Variants in ABHD17C observed in about 807,000 individuals in gnomAD.
ABHD17C encodes abhydrolase domain containing 17C, depalmitoylase.
Under a neutral mutation model 27.9 loss-of-function variants are expected in ABHD17C, and 11 were observed. The ratio of observed to expected loss-of-function variants is 0.39; its 90% CI spans 0.25 to 0.65. The LOEUF (loss-of-function observed/expected upper bound fraction) is 0.65, where lower values mean the gene tolerates loss of function less well. Among genes scored for constraint, ABHD17C ranks in the 30% least tolerant of loss-of-function variants. The pLI is 0.45. For missense variants in ABHD17C, 280 were observed against 470.2 expected (o/e 0.60, Z 3.74); for synonymous variants, 233 against 209.1 (o/e 1.11, Z -0.98).
At chr15:80,723,286 A>G (rs1419680576) in intron 1 of ABHD17C, among the ~76,000 whole-genome samples, 2 of 152,194 alleles carry the variant, frequency 1.3e-5, no homozygotes, top group African/African-American at 4.8e-5. Context: ...ACCCCCTCCC[A>G]TGACCCAGGG....
At chr15:80,726,232 C>G (rs576510149) in intron 1 of ABHD17C, among the ~76,000 whole-genome samples, 2 of 152,294 alleles carry the variant, frequency 1.3e-5, no homozygotes, top group South Asian at 4.1e-4. Context: ...GCCAGGTGTT[C>G]CTTTCCTTGC....
intron 1 of ABHD17C, among the ~76,000 whole-genome samples, chr15:80,716,404 A>G (rs1390732068): frequency 6.6e-6 from 1 of 152,168 alleles, no homozygotes; most frequent in Non-Finnish European, 1.5e-5. Flanking sequence ...CCTTGTTGGA[A>G]ACGTCTCTGC....
At position 80,754,293 on chromosome 15, in the gene ABHD17C, C is replaced by T. The variant is rs2141527197; in HGVS notation, c.913C>T (p.His305Tyr). ...VEPLWVEGAG[H>Y]NDIELYAQYL... is the part of the protein sequence containing the mutation. Reference sequence around the variant, plus strand: ...GCCCCTTTGGGTTGAAGGGGCTGGGCATAATGACATAGAGCTTTATGCACA... The same window carrying T: ...GCCCCTTTGGGTTGAAGGGGCTGGGTATAATGACATAGAGCTTTATGCACA... Residue 305 changes from histidine (H) to tyrosine (Y), a missense_variant, in exon 3 of 3, where the codon CAT (histidine) becomes TAT (tyrosine). His to Tyr is a moderately conservative substitution (Grantham distance 83, BLOSUM62 2). Coordinates refer to ENST00000258884, the MANE Select transcript of ABHD17C (RefSeq NM_021214.2). The T allele has an allele frequency of 1.2e-6, 2 of 1,613,932 alleles. No homozygotes were observed. The highest frequency in any genetic ancestry group is 1.1e-5 in the South Asian group (1 of 91,076).
chr15:80,711,825 A>G (rs1449718832), intron 1 of ABHD17C, among the ~76,000 whole-genome samples: 4 of 152,112 alleles, frequency 2.6e-5, no homozygotes, highest in Admixed American at 1.3e-4. Flanking sequence ...CTGCAAAGCT[A>G]ACTAACTAAC....
chr15:80,722,158 C>T (rs910109843), intron 1 of ABHD17C, among the ~76,000 whole-genome samples: 3 of 151,862 alleles, frequency 2.0e-5, no homozygotes, highest in Admixed American at 1.3e-4. Context: ...TACCGAGAAG[C>T]GCACTGGAAT....
intron 1 of ABHD17C, among the ~76,000 whole-genome samples, chr15:80,715,554 A>T (rs1330419858): frequency 1.3e-5 from 2 of 152,232 alleles, no homozygotes; most frequent in African/African-American, 2.4e-5. Flanking sequence ...ATACATTTTT[A>T]AAAAACTGAA....
chr15:80,734,133 C>A (rs988014208), intron 1 of ABHD17C, among the ~76,000 whole-genome samples: 1 of 152,086 alleles, frequency 6.6e-6, no homozygotes, highest in Non-Finnish European at 1.5e-5. Context: ...TACAGATGTG[C>A]ACCACCATGC....
At chr15:80,749,483 C>A in intron 1 of ABHD17C, 30 bp from the exon 2 acceptor site, 1 of 1,605,882 alleles carries the variant, frequency 6.2e-7, no homozygotes. Flanking sequence ...CATACCTTAG[C>A]TAATGGCATA....
intron 1 of ABHD17C, among the ~76,000 whole-genome samples, chr15:80,709,607 C>T (rs765721058): frequency 1.3e-5 from 2 of 152,064 alleles, no homozygotes; most frequent in Non-Finnish European, 2.9e-5. Context: ...ATTTTCTTTA[C>T]CCCTGGATCT....
At chr15:80,721,336 C>T (rs1894895104) in intron 1 of ABHD17C, among the ~76,000 whole-genome samples, 1 of 151,794 alleles carries the variant, frequency 6.6e-6, no homozygotes, top group African/African-American at 2.4e-5. Flanking sequence ...GGTCCCATAC[C>T]TGTCTGAGTC....
chr15:80,726,714 G>A (rs28666570), intron 1 of ABHD17C, among the ~76,000 whole-genome samples: 44,589 of 151,420 alleles, frequency 0.29, 8,243 homozygotes, highest in East Asian at 0.59. Flanking sequence ...GGGTTTCACC[G>A]TGTTAGTCAG....
chr15:80,744,251 C>A (rs545746605), intron 1 of ABHD17C, among the ~76,000 whole-genome samples: 110 of 151,350 alleles, frequency 7.3e-4, no homozygotes, highest in African/African-American at 2.6e-3. Context: ...GTAGATAGAG[C>A]CAGGGAGTTT....
intron 1 of ABHD17C, among the ~76,000 whole-genome samples, chr15:80,699,609 C>T (rs953675301): frequency 4.6e-5 from 7 of 152,148 alleles, no homozygotes; most frequent in Non-Finnish European, 7.3e-5. Flanking sequence ...GTGAGCTGTC[C>T]AGCCCTTGAA....
chr15:80,704,702 G>A (rs1894618967), intron 1 of ABHD17C: 1 of 152,208 alleles, frequency 6.6e-6, no homozygotes, highest in Non-Finnish European at 1.5e-5. Flanking sequence ...CCTGAGTCAG[G>A]CTTCTGCCCC....
intron 1 of ABHD17C, among the ~76,000 whole-genome samples, chr15:80,735,152 A>G (rs966047694): frequency 1.3e-5 from 2 of 152,186 alleles, no homozygotes; most frequent in South Asian, 4.1e-4. Context: ...CTTTCTTAAC[A>G]TAGATATCCA....
chr15:80,734,687 T>A (rs144808863), intron 1 of ABHD17C, among the ~76,000 whole-genome samples: 1 of 152,326 alleles, frequency 6.6e-6, no homozygotes, highest in East Asian at 1.9e-4. Context: ...GAGAGAATAG[T>A]CTTGAATGTC....
chr15:80,731,110 G>A (rs1317957977), intron 1 of ABHD17C, among the ~76,000 whole-genome samples: 1 of 152,170 alleles, frequency 6.6e-6, no homozygotes, highest in African/African-American at 2.4e-5. Context: ...TGTGGAGGCC[G>A]TGGGGACCAG....
At chr15:80,740,728 C>T (rs543595179) in intron 1 of ABHD17C, among the ~76,000 whole-genome samples, 1 of 152,290 alleles carries the variant, frequency 6.6e-6, no homozygotes, top group African/African-American at 2.4e-5. Flanking sequence ...CTGAGCTCTT[C>T]AGTCAGATTT....
chr15:80,737,625 A>G (rs553463648), intron 1 of ABHD17C, among the ~76,000 whole-genome samples: 1 of 152,156 alleles, frequency 6.6e-6, no homozygotes, highest in Non-Finnish European at 1.5e-5. Context: ...AAACACATCC[A>G]CCTTCCTGTC....
Sources: allele counts gnomAD v4.1 joint callset (sites outside exome capture counted in the v4.1 genomes callset), GRCh38; gene constraint gnomAD v4.1.1; transcripts MANE v1.5; gene names NCBI Gene and HGNC (gene_info 2026-07-23, HGNC 2026-07-21).